The following RNF152 variants were observed in gnomAD, a reference collection of about 807,000 sequenced individuals.
RNF152 encodes the protein ring finger protein 152.
Under a neutral mutation model 12.7 loss-of-function variants are expected in RNF152, and 11 were observed. The ratio of observed to expected loss-of-function variants is 0.86; its 90% CI spans 0.54 to 1.43. The LOEUF (loss-of-function observed/expected upper bound fraction) is 1.43, where lower values mean the gene tolerates loss of function less well. Among genes scored for constraint, RNF152 ranks in the 40% most tolerant of loss-of-function variants. The pLI, the probability that RNF152 is intolerant of heterozygous loss-of-function variation, is 0.00. For missense variants in RNF152, 255 were observed against 274.8 expected, an observed-to-expected ratio of 0.93 and a Z score of 0.51; for synonymous variants, 113 against 120.3, an observed-to-expected ratio of 0.94 and a Z score of 0.40.
At chr18:61,851,090 T>TA (rs529714042) in intron 1 of RNF152, among the ~76,000 whole-genome samples, 8,832 of 126,264 alleles carry the variant, frequency 0.07, 255 homozygotes, top group Admixed American at 0.078. Flanking sequence ...CCACAATGAT[T>TA]AAAAAAAAAA....
At position 61,814,745 on chromosome 18, in the gene RNF152, A is replaced by G. The variant is rs1908981749; in HGVS notation, c.*1107T>C. ...AAAAGAATCACAGGCCATTTATTAA[A>G]ATGCCCGCCTGGGTTGACCATCAGT... On this transcript the variant is annotated 3_prime_UTR_variant, in exon 2 of 2. Transcript: ENST00000312828. 1 of 152,212 alleles carries G rather than the reference A, an allele frequency of 6.6e-6. No homozygotes were observed. Among genetic ancestry groups the G allele is most frequent in the Non-Finnish European group, 1.5e-5 (1 of 68,042 alleles). The allele number at this position is 152,212 out of a possible 1,614,324, so 9.4% of individuals were successfully genotyped here.
intron 1 of RNF152, among the ~76,000 whole-genome samples, chr18:61,817,728 A>C (rs1909179563): frequency 6.9e-6 from 1 of 145,592 alleles, no homozygotes; most frequent in Admixed American, 7.0e-5. Flanking sequence ...AAGTCTGGCA[A>C]GCATTCCTCA....
At chr18:61,876,426 A>G (rs1343465927) in intron 1 of RNF152, among the ~76,000 whole-genome samples, 2 of 152,222 alleles carry the variant, frequency 1.3e-5, no homozygotes, top group Non-Finnish European at 2.9e-5. Flanking sequence ...ATTAGCTGAC[A>G]ATGAAGTTGA....
chr18:61,866,896 C>G (rs114368113), intron 1 of RNF152, among the ~76,000 whole-genome samples: 5,403 of 150,454 alleles, frequency 0.036, 323 homozygotes, highest in African/African-American at 0.12. Flanking sequence ...AAAAGCAAAA[C>G]AACACAAAAA....
intron 1 of RNF152, among the ~76,000 whole-genome samples, chr18:61,886,188 A>G (rs1477817413): frequency 6.6e-6 from 1 of 151,798 alleles, no homozygotes; most frequent in Non-Finnish European, 1.5e-5. Context: ...CAAGTAGGGG[A>G]AGCTCTTAAA....
chr18:61,839,339 T>C (rs185795454), intron 1 of RNF152, among the ~76,000 whole-genome samples: 3 of 152,356 alleles, frequency 2.0e-5, no homozygotes, highest in Admixed American at 6.5e-5. Flanking sequence ...CCCTAGTCTT[T>C]CCTTGACTTT....
chr18:61,825,534 A>C (rs1270102185), intron 1 of RNF152, among the ~76,000 whole-genome samples: 1 of 152,226 alleles, frequency 6.6e-6, no homozygotes, highest in Non-Finnish European at 1.5e-5. Flanking sequence ...CCCTGTCAGC[A>C]TCATACAGGG....
At chr18:61,874,887 A>G (rs1318619750) in intron 1 of RNF152, 3 of 152,184 alleles carry the variant, frequency 2.0e-5, no homozygotes, top group Admixed American at 2.0e-4. Context: ...TTTATTGGGT[A>G]CAGACCTTAA....
At chr18:61,821,979 G>A (rs1284200050) in intron 1 of RNF152, among the ~76,000 whole-genome samples, 1 of 152,178 alleles carries the variant, frequency 6.6e-6, no homozygotes, top group Non-Finnish European at 1.5e-5. Context: ...GGGGACTGCT[G>A]CTTCAGAGAC....
At chr18:61,890,076 A>T (rs1046771644) in intron 1 of RNF152, among the ~76,000 whole-genome samples, 2 of 152,240 alleles carry the variant, frequency 1.3e-5, no homozygotes, top group Non-Finnish European at 2.9e-5. Flanking sequence ...AGTACATTAC[A>T]GGTGGGGGTA....
intron 1 of RNF152, among the ~76,000 whole-genome samples, chr18:61,828,037 C>A (rs1419985615): frequency 6.6e-6 from 1 of 152,222 alleles, no homozygotes; most frequent in Non-Finnish European, 1.5e-5. Context: ...CAAAGTTTAT[C>A]AGCAATAAAA....
chr18:61,893,379 CTCA>C (rs1279576434), upstream of RNF152: 2 of 152,476 alleles, frequency 1.3e-5, no homozygotes, highest in African/African-American at 4.8e-5. Flanking sequence ...TCACCGCCAC[CTCA>C]TCAAGTCACC....
chr18:61,856,243 A>T (rs1206129016), intron 1 of RNF152, among the ~76,000 whole-genome samples: 1 of 152,178 alleles, frequency 6.6e-6, no homozygotes, highest in African/African-American at 2.4e-5. Context: ...AATGTCAAAG[A>T]CTCTTGAAAA....
intron 1 of RNF152, among the ~76,000 whole-genome samples, chr18:61,833,256 A>G (rs1910031500): frequency 6.6e-6 from 1 of 152,272 alleles, no homozygotes; most frequent in Admixed American, 6.5e-5. Context: ...GAATCAGATT[A>G]AATTGGTTTA....
At chr18:61,821,992 G>C (rs980677155) in intron 1 of RNF152, among the ~76,000 whole-genome samples, 9 of 152,128 alleles carry the variant, frequency 5.9e-5, no homozygotes, top group African/African-American at 2.2e-4. Context: ...TCAGAGACCT[G>C]TTTGGCCTTG....
intron 1 of RNF152, among the ~76,000 whole-genome samples, chr18:61,819,263 A>T (rs967923903): frequency 2.6e-5 from 4 of 152,204 alleles, no homozygotes; most frequent in African/African-American, 7.2e-5. Flanking sequence ...GGGATAGCAG[A>T]TCCCACAGGG....
At chr18:61,826,350 GAAGACAGA>G (rs1170181797) in intron 1 of RNF152, among the ~76,000 whole-genome samples, 1 of 152,094 alleles carries the variant, frequency 6.6e-6, no homozygotes, top group Non-Finnish European at 1.5e-5. Context: ...TGGCCACAAA[GAAGACAGA>G]AAGACCACTC....
chr18:61,882,460 G>A (rs1912504684), intron 1 of RNF152, among the ~76,000 whole-genome samples: 1 of 152,260 alleles, frequency 6.6e-6, no homozygotes, highest in Non-Finnish European at 1.5e-5. Context: ...ATGGGAAAGA[G>A]GCACGCAAGT....
intron 1 of RNF152, among the ~76,000 whole-genome samples, chr18:61,879,169 T>C (rs1468692504): frequency 1.3e-5 from 2 of 152,162 alleles, no homozygotes; most frequent in African/African-American, 4.8e-5. Context: ...TAATACTAAA[T>C]GGTTACCTCC....
Sources: gnomAD v4.1 joint callset for allele counts (sites outside exome capture counted in the v4.1 genomes callset) on GRCh38, gnomAD v4.1.1 for gene constraint, MANE v1.5 for transcripts, NCBI Gene and HGNC (gene_info 2026-07-23, HGNC 2026-07-21) for gene names.